The following OGDHL variants were observed in gnomAD, a reference collection of about 807,000 sequenced individuals.
OGDHL encodes the protein oxoglutarate dehydrogenase L.
OGDHL carries 79 observed loss-of-function variants against 109.6 expected under a neutral mutation model. The observed-to-expected ratio is 0.72, with a 90% CI of 0.60 to 0.87. The LOEUF is 0.87. Among genes scored for constraint, OGDHL ranks in the 40% least tolerant of loss-of-function variants. OGDHL has a pLI of 0.00. For missense variants in OGDHL, 1,275 were observed against 1,362.2 expected (o/e 0.94, Z 1.01); for synonymous variants, 528 against 537.2 (o/e 0.98, Z 0.24).
Position 49,739,655 on chromosome 10 carries a change from C to T in OGDHL, c.2319+6G>A, listed in dbSNP as rs1417967601. 1 of 1,612,242 alleles carries T rather than the reference C, an allele frequency of 6.2e-7. No homozygotes were observed. The highest frequency in any genetic ancestry group is 2.2e-5 in the East Asian group (1 of 44,860). ...CCAAGCCACCAGCCACCACCGCAGC[C>T]CTCACCATGCCTTCCATGCCATGGG... On this transcript the variant is annotated splice_donor_region_variant and intron_variant, in intron 17 of 22. Transcript: ENST00000374103.
Position 49,742,822 on chromosome 10 carries a change from G to A in OGDHL, c.2012+6C>T, listed in dbSNP as rs771739020. 70 of 1,611,230 alleles carry A rather than the reference G, an allele frequency of 4.3e-5. 2 individuals are homozygous for A. In the South Asian group the frequency reaches 4.6e-4, roughly 11 times the overall value. ...CTGTGCGGATGCTGAGCCCCACTGC[G>A]CTCACCTGAATGTGCCCCTCTCCAC... On this transcript the variant is annotated splice_donor_region_variant and intron_variant, in intron 15 of 22. Transcript: ENST00000374103.
chr10:49,749,905 T>A lies in OGDHL; in HGVS notation c.897-89A>T. ...ACTGTGGAGGCCTGGCCTGGCCTAA[T>A]ACAGCCCCTTCGTGCCCAGAGCCCT... On this transcript the variant is annotated intron_variant, in intron 7 of 22. Transcript: ENST00000374103. 4 of 1,132,374 alleles carry A rather than the reference T, an allele frequency of 3.5e-6. No individual in the cohort carries two copies. In the South Asian group the frequency reaches 5.5e-5, roughly 16 times the overall value. The allele number at this position is 1,132,374 out of a possible 1,614,324, so 70.1% of individuals were successfully genotyped here.
intron 7 of OGDHL, 23 bp from the exon 8 acceptor site, chr10:49,749,839 C>G: frequency 2.5e-6 from 4 of 1,570,234 alleles, no homozygotes; most frequent in Non-Finnish European, 3.4e-6. Context: ...GGGCCGGGCT[C>G]TCACCTGGCA....
At chr10:49,758,340 G>A (rs571755309) in intron 2 of OGDHL, 49 bp downstream of exon 2, 24 of 1,554,926 alleles carry the variant, frequency 1.5e-5, no homozygotes, top group African/African-American at 1.1e-4. Flanking sequence ...CCCGGCCCCC[G>A]AGGGCTTCCC....
intron 3 of OGDHL, among the ~76,000 whole-genome samples, chr10:49,754,440 A>G (rs560241595): frequency 8.5e-5 from 13 of 152,368 alleles, no homozygotes; most frequent in African/African-American, 2.9e-4. Context: ...ACTGAATAAA[A>G]GAAAAAAATA....
At position 49,758,561 on chromosome 10, in the gene OGDHL, A is replaced by C. The variant is rs756992836; in HGVS notation, c.32T>G (p.Leu11Arg). 1 of 1,613,920 alleles carries C rather than the reference A, an allele frequency of 6.2e-7. No homozygotes were observed. Among genetic ancestry groups the C allele is most frequent in the Non-Finnish European group, 8.5e-7 (1 of 1,180,008 alleles). ...CAGGAGCCTCGCAGCCTGTACCCCA[A>C]GACGGGACGGCAGCAGCCTCAGCTG... is the stretch of plus-strand genomic sequence containing the variant. MSQLRLLPSR[L>R]GVQAARLLAA... The change falls in exon 2 of 23, where the codon CTT becomes CGT. Residue 11 changes from leucine to arginine, a missense_variant. Leu to Arg is a moderately radical substitution (Grantham distance 102). Coordinates refer to ENST00000374103, the MANE Select transcript of OGDHL (RefSeq NM_018245.3).
At chr10:49,735,995 A>C in intron 22 of OGDHL, 28 bp downstream of exon 22, 1 of 1,541,056 alleles carries the variant, frequency 6.5e-7, no homozygotes, top group South Asian at 1.3e-5. Flanking sequence ...GGCCGAGGTG[A>C]GGGGCAATCA....
chr10:49,745,320 C>G lies in OGDHL; in HGVS notation c.1629+24G>C, dbSNP rs199520469. On this transcript the variant is annotated intron_variant, in intron 12 of 22. Transcript: ENST00000374103. ...GTCCCCACCCAAAGTTTGTCTTGGG[C>G]GCCCCTGCAGCCTGCCTGCCCACCT... The G allele has an allele frequency of 2.2e-5, 36 of 1,610,444 alleles. No homozygotes were observed. The African/African-American group carries it at 4.0e-4, about 18-fold the overall frequency.
At position 49,751,878 on chromosome 10, in the gene OGDHL, A is replaced by G; in HGVS notation, c.698T>C (p.Phe233Ser). Residue 233 changes from phenylalanine (F) to serine (S), a missense_variant, in exon 6 of 23, where the codon TTC becomes TCC. Coordinates refer to ENST00000374103, the MANE Select transcript of OGDHL (RefSeq NM_018245.3). ...CAGGGTCCGCTTCTCCTCGCTGGAGAACTGCATCACACCAGGGGTCTCAAA... is the reference window on the plus strand; with the variant it reads ...CAGGGTCCGCTTCTCCTCGCTGGAGGACTGCATCACACCAGGGGTCTCAAA... ...QKFETPGVMQFSSEEKRTLLA... is the reference protein window; with the variant it reads ...QKFETPGVMQSSSEEKRTLLA... 1 of 1,614,084 alleles carries G rather than the reference A, an allele frequency of 6.2e-7. No homozygotes were observed. The highest frequency in any genetic ancestry group is 1.1e-5 in the South Asian group (1 of 91,068).
Position 49,756,954 on chromosome 10 carries a change from G to C in OGDHL, c.205-8C>G, listed in dbSNP as rs1370390606. The C allele has an allele frequency of 7.5e-6, 12 of 1,609,378 alleles. No homozygotes were observed. The highest frequency in any genetic ancestry group is 1.0e-5 in the Non-Finnish European group (12 of 1,177,314). ...GAAGAAGCTGTCCCAGGACTAGGCA[G>C]GGCAGAAACAAGAACGCAGCCAGGT... is the stretch of plus-strand genomic sequence containing the variant. On this transcript the variant is annotated splice_polypyrimidine_tract_variant and splice_region_variant and intron_variant, in intron 2 of 22. Coordinates refer to ENST00000374103, the MANE Select transcript of OGDHL (RefSeq NM_018245.3).
At position 49,735,287 on chromosome 10, in the gene OGDHL, G is replaced by A. The variant is rs753561309; in HGVS notation, c.2974C>T (p.Leu992=). 14 of 1,614,170 alleles carry A rather than the reference G, an allele frequency of 8.7e-6. No individual in the cohort carries two copies. Among genetic ancestry groups the A allele is most frequent in the African/African-American group, 1.3e-5 (1 of 75,062 alleles). Residue 992 remains leucine, a synonymous_variant, in exon 23 of 23, where the codon CTG becomes TTG. Transcript: ENST00000374103. ...TGNRNTHLVS[L]KKFLDTAFNL... ...AAGGCAGTATCCAGAAACTTCTTCA[G>A]TGACACCAGGTGAGTGTTCCTGTTT...
chr10:49,738,638 T>A (rs1484603623), intron 17 of OGDHL: 11 of 290,976 alleles, frequency 3.8e-5, no homozygotes, highest in Non-Finnish European at 6.7e-5. Flanking sequence ...AGTAGCCCCA[T>A]GATGCAGACA....
intron 1 of OGDHL, among the ~76,000 whole-genome samples, chr10:49,760,210 G>C (rs931385590): frequency 3.3e-5 from 5 of 152,240 alleles, no homozygotes; most frequent in African/African-American, 1.2e-4. Flanking sequence ...AGGGAGGTGA[G>C]CTTGGGAGCC....
chr10:49,751,338 G>A (rs542883092), intron 6 of OGDHL, among the ~76,000 whole-genome samples: 4 of 151,940 alleles, frequency 2.6e-5, no homozygotes, highest in African/African-American at 7.2e-5. Context: ...GGCTCTCTTC[G>A]CCAAGTCCCA....
Position 49,739,767 on chromosome 10 carries a change from T to C in OGDHL, c.2213A>G (p.His738Arg), listed in dbSNP as rs1841503294. 3 of 1,613,992 alleles carry C rather than the reference T, an allele frequency of 1.9e-6. No homozygotes were observed. Among genetic ancestry groups the C allele is most frequent in the African/African-American group, 1.3e-5 (1 of 74,918 alleles). Residue 738 changes from histidine to arginine, a missense_variant, in exon 17 of 23, where the codon CAC (histidine) becomes CGC (arginine). Physicochemically the swap from His to Arg is conservative, Grantham distance 29. Coordinates refer to ENST00000374103, the MANE Select transcript of OGDHL (RefSeq NM_018245.3). Reference sequence around the variant, plus strand: ...GTCGATGATGCACTGGGCCGTGTTGTGGAAGTCCCCAAACTGGGCCTCCCA... The same window carrying C: ...GTCGATGATGCACTGGGCCGTGTTGCGGAAGTCCCCAAACTGGGCCTCCCA... Reference protein sequence around the residue: ...VLWEAQFGDFHNTAQCIIDQF... With the variant: ...VLWEAQFGDFRNTAQCIIDQF...
At chr10:49,737,524 C>T (rs1213842801) in intron 20 of OGDHL, among the ~76,000 whole-genome samples, 1 of 152,204 alleles carries the variant, frequency 6.6e-6, no homozygotes, top group South Asian at 2.1e-4. Context: ...CAGGCCTCTG[C>T]CAGGCCTCGA....
intron 17 of OGDHL, 30 bp from the exon 18 acceptor site, chr10:49,738,292 G>A: frequency 6.2e-7 from 1 of 1,611,134 alleles, no homozygotes; most frequent in African/African-American, 1.3e-5. Flanking sequence ...AGCCAAGGCT[G>A]GACCCCACCA....
rs150342966 is a variant in OGDHL, at chr10:49,754,396, T to C, written c.376-1656A>G. On this transcript the variant is annotated intron_variant, in intron 3 of 22. Coordinates refer to ENST00000374103, the MANE Select transcript of OGDHL (RefSeq NM_018245.3). ...AAACTTTCATTAGTCACTTTTGGAG[T>C]GTGCTAGGGAATCACCTCATAATTT... is the stretch of plus-strand genomic sequence containing the variant. Among the ~76,000 whole-genome samples, 572 of 152,264 alleles carry C rather than the reference T, an allele frequency of 3.8e-3. 5 individuals carry two copies. The highest frequency in any genetic ancestry group is 0.013 in the African/African-American group (539 of 41,532).
chr10:49,737,545 T>C (rs969606296), intron 20 of OGDHL, among the ~76,000 whole-genome samples: 7 of 152,192 alleles, frequency 4.6e-5, no homozygotes, highest in African/African-American at 1.7e-4. Context: ...CCAGCCCTGC[T>C]AGGGTCTAAG....
Sources: gnomAD v4.1 joint callset for allele counts (sites outside exome capture counted in the v4.1 genomes callset) on GRCh38, gnomAD v4.1.1 for gene constraint, MANE v1.5 for transcripts, NCBI Gene and HGNC (gene_info 2026-07-23, HGNC 2026-07-21) for gene names.